The following GPR176 variants were observed in gnomAD, a reference collection of about 807,000 sequenced individuals.
GPR176 encodes the protein G-protein coupled receptor 176.
In GPR176, 26 loss-of-function variants were observed where a neutral mutation model predicts 35.4. The observed-to-expected ratio is 0.74, with a 90% CI of 0.54 to 1.02. The LOEUF (loss-of-function observed/expected upper bound fraction) is 1.02, where lower values mean the gene tolerates loss of function less well. GPR176 is among the 50% of genes least tolerant of loss of function. The pLI is 0.00. For missense variants in GPR176, 597 were observed against 665.3 expected (o/e 0.90, Z 1.13); for synonymous variants, 278 against 271.3 (o/e 1.02, Z -0.24).
At position 39,801,356 on chromosome 15, in the gene GPR176, G is replaced by A. The variant is rs1338371253; in HGVS notation, c.1324C>T (p.Pro442Ser). Residue 442 changes from proline (P) to serine (S), a missense_variant, in exon 3 of 3, where the codon CCT (proline) becomes TCT (serine). Coordinates refer to ENST00000561100, the MANE Select transcript of GPR176 (RefSeq NM_007223.3). ...SQVAPAAPVE[P>S]ETFPDKYSLQ... ...GAATACTTATCAGGGAATGTTTCAGGTTCCACAGGGGCTGCCGGTGCCACC... is the reference window on the plus strand; with the variant it reads ...GAATACTTATCAGGGAATGTTTCAGATTCCACAGGGGCTGCCGGTGCCACC... The A allele has an allele frequency of 6.2e-7, 1 of 1,614,158 alleles. No individual in the cohort carries two copies. Among genetic ancestry groups the A allele is most frequent in the East Asian group, 2.2e-5 (1 of 44,880 alleles).
intron 1 of GPR176, among the ~76,000 whole-genome samples, chr15:39,843,769 T>C (rs563995459): frequency 5.3e-5 from 8 of 152,264 alleles, no homozygotes; most frequent in African/African-American, 1.9e-4. Context: ...TTCAACAAAA[T>C]ATAGCTTAAA....
At chr15:39,860,502 T>C (rs928955804) in intron 1 of GPR176, among the ~76,000 whole-genome samples, 3 of 152,222 alleles carry the variant, frequency 2.0e-5, no homozygotes, top group African/African-American at 7.2e-5. Context: ...TTCCCAATCA[T>C]GTGTTTTTTC....
intron 1 of GPR176, chr15:39,813,744 C>G (rs1264185548): frequency 6.6e-6 from 1 of 152,058 alleles, no homozygotes; most frequent in Non-Finnish European, 1.5e-5. Flanking sequence ...GCAACAGTGC[C>G]TTCATGGTCA....
intron 1 of GPR176, among the ~76,000 whole-genome samples, chr15:39,865,227 A>C (rs1356987315): frequency 6.6e-6 from 1 of 152,182 alleles, no homozygotes; most frequent in African/African-American, 2.4e-5. Flanking sequence ...ACAGATCCTT[A>C]TATCAAAAAG....
intron 1 of GPR176, among the ~76,000 whole-genome samples, chr15:39,877,552 T>TC (rs1491035145): frequency 0.026 from 6 of 228 alleles, no homozygotes; most frequent in East Asian, 0.12. Flanking sequence ...TTCTTCTTCT[T>TC]TTTTTTTTTT....
At chr15:39,870,166 G>A (rs1027193944) in intron 1 of GPR176, among the ~76,000 whole-genome samples, 1 of 152,054 alleles carries the variant, frequency 6.6e-6, no homozygotes, top group East Asian at 1.9e-4. Flanking sequence ...TCCTCCTTCT[G>A]TAGTCAAATC....
At chr15:39,879,616 G>A (rs1489951232) in intron 1 of GPR176, among the ~76,000 whole-genome samples, 2 of 151,996 alleles carry the variant, frequency 1.3e-5, no homozygotes, top group East Asian at 3.9e-4. Context: ...TGCATGACAG[G>A]ACTAACACTT....
At chr15:39,849,400 A>G (rs2030696114) in intron 1 of GPR176, among the ~76,000 whole-genome samples, 1 of 152,134 alleles carries the variant, frequency 6.6e-6, no homozygotes, top group Non-Finnish European at 1.5e-5. Flanking sequence ...ACTCTCTTCC[A>G]AAAAACAGAA....
At chr15:39,891,014 G>C (rs1248434032) in intron 1 of GPR176, among the ~76,000 whole-genome samples, 5 of 152,190 alleles carry the variant, frequency 3.3e-5, no homozygotes, top group Admixed American at 3.3e-4. Flanking sequence ...GAGAAGAATA[G>C]ATGAGCAAAA....
intron 1 of GPR176, among the ~76,000 whole-genome samples, chr15:39,810,139 CAAAA>C (rs1217329545): frequency 3.0e-5 from 2 of 66,360 alleles, no homozygotes. Flanking sequence ...GACTCCGTCT[CAAAA>C]AAAAAAAAAA....
intron 1 of GPR176, among the ~76,000 whole-genome samples, chr15:39,884,119 C>T (rs1446409977): frequency 6.6e-6 from 1 of 152,206 alleles, no homozygotes; most frequent in African/African-American, 2.4e-5. Context: ...AGGCAAACCC[C>T]TCTGGGCCCA....
At chr15:39,882,802 T>G (rs1190824059) in intron 1 of GPR176, among the ~76,000 whole-genome samples, 1 of 152,202 alleles carries the variant, frequency 6.6e-6, no homozygotes, top group Non-Finnish European at 1.5e-5. Context: ...AGACTGATTG[T>G]TCCCCCAGAA....
chr15:39,843,349 A>G (rs2030169506), intron 1 of GPR176, among the ~76,000 whole-genome samples: 1 of 152,118 alleles, frequency 6.6e-6, no homozygotes. Flanking sequence ...GTAACTTATA[A>G]TCAAGAAAAA....
intron 1 of GPR176, among the ~76,000 whole-genome samples, chr15:39,809,836 C>T (rs1017390943): frequency 2.0e-5 from 3 of 152,136 alleles, no homozygotes; most frequent in Non-Finnish European, 2.9e-5. Context: ...AAATAACTAA[C>T]GGATACTAGG....
At chr15:39,865,856 T>C (rs2031807072) in intron 1 of GPR176, among the ~76,000 whole-genome samples, 1 of 152,102 alleles carries the variant, frequency 6.6e-6, no homozygotes, top group African/African-American at 2.4e-5. Flanking sequence ...TATGAACCCA[T>C]CTAGAAAATA....
chr15:39,844,916 G>A (rs1402578617), intron 1 of GPR176, among the ~76,000 whole-genome samples: 1 of 152,040 alleles, frequency 6.6e-6, no homozygotes, highest in Non-Finnish European at 1.5e-5. Context: ...GACTTTCAAG[G>A]ATGAAACTAA....
At chr15:39,888,563 G>T (rs2032753917) in intron 1 of GPR176, among the ~76,000 whole-genome samples, 1 of 152,120 alleles carries the variant, frequency 6.6e-6, no homozygotes, top group Admixed American at 6.5e-5. Context: ...CAAAGTGCTG[G>T]GATTACATGT....
At chr15:39,818,178 A>G (rs1372402373) in intron 1 of GPR176, among the ~76,000 whole-genome samples, 1 of 152,218 alleles carries the variant, frequency 6.6e-6, no homozygotes, top group African/African-American at 2.4e-5. Flanking sequence ...TCACTAAAGA[A>G]GTGTCAGTTT....
chr15:39,827,422 T>A (rs1900741141), intron 1 of GPR176, among the ~76,000 whole-genome samples: 1 of 152,182 alleles, frequency 6.6e-6, no homozygotes, highest in Non-Finnish European at 1.5e-5. Context: ...TGTTAGTTGA[T>A]ATCAGTGTGG....
Sources: gnomAD v4.1 joint callset for allele counts (sites outside exome capture counted in the v4.1 genomes callset) on GRCh38, gnomAD v4.1.1 for gene constraint, MANE v1.5 for transcripts, NCBI Gene and HGNC (gene_info 2026-07-23, HGNC 2026-07-21) for gene names.